FRMD4B: variants seen among roughly 807,000 people sequenced by gnomAD.
The protein encoded by FRMD4B is FERM domain containing 4B, also known as FERM domain-containing protein 4B.
A neutral mutation model predicts 141.5 loss-of-function variants in FRMD4B; 74 were observed. The ratio of observed to expected loss-of-function variants is 0.52; its 90% confidence interval spans 0.43 to 0.63. FRMD4B has a LOEUF of 0.63. Ranked by LOEUF, FRMD4B falls within the 30% of genes least tolerant of loss-of-function variation. The pLI is 0.00. For missense variants in FRMD4B, 1,366 were observed against 1,253.4 expected, an observed-to-expected ratio of 1.09 and a Z score of -1.36; for synonymous variants, 506 against 467.9, an observed-to-expected ratio of 1.08 and a Z score of -1.05.
At chr3:69,522,447 C>A (rs1700867755) in intron 1 of FRMD4B, among the ~76,000 whole-genome samples, 1 of 152,046 alleles carries the variant, frequency 6.6e-6, no homozygotes, top group South Asian at 2.1e-4. Flanking sequence ...CACTTCTATC[C>A]ACATCATATT....
chr3:69,221,709 T>C, intron 9 of FRMD4B, 149 bp downstream of exon 9: 1 of 620,900 alleles, frequency 1.6e-6, no homozygotes, highest in South Asian at 1.8e-5. Flanking sequence ...ATGTATAGAA[T>C]GACCGAAGAC....
At chr3:69,207,463 T>A (rs2093034230) in intron 11 of FRMD4B, among the ~76,000 whole-genome samples, 1 of 152,228 alleles carries the variant, frequency 6.6e-6, no homozygotes, top group Non-Finnish European at 1.5e-5. Context: ...TTTTTCTTCA[T>A]GTGCCAACAG....
chr3:69,323,055 A>G (rs1702063271), intron 1 of FRMD4B: 1 of 940,734 alleles, frequency 1.1e-6, no homozygotes. Context: ...GAAAAAGACA[A>G]TGAGGGAGGG....
At chr3:69,268,729 A>G (rs990583346) in intron 5 of FRMD4B, among the ~76,000 whole-genome samples, 1 of 151,952 alleles carries the variant, frequency 6.6e-6, no homozygotes, top group Non-Finnish European at 1.5e-5. Flanking sequence ...GCCCTGGTAA[A>G]GTAGGTATCC....
chr3:69,290,438 G>C (rs1216735100), intron 4 of FRMD4B, among the ~76,000 whole-genome samples: 1 of 152,204 alleles, frequency 6.6e-6, no homozygotes, highest in Non-Finnish European at 1.5e-5. Flanking sequence ...AGACACCAAA[G>C]TGAGGCAGAC....
intron 1 of FRMD4B, among the ~76,000 whole-genome samples, chr3:69,495,187 C>G (rs1706364869): frequency 6.6e-6 from 1 of 152,146 alleles, no homozygotes; most frequent in African/African-American, 2.4e-5. Context: ...ACACTGAATG[C>G]CAATTCCTGA....
intron 1 of FRMD4B, chr3:69,536,193 C>T (rs913242376): frequency 8.7e-6 from 5 of 574,046 alleles, no homozygotes; most frequent in Non-Finnish European, 9.8e-6. Context: ...ACCTTGCCCG[C>T]GTTAGGAGGA....
At chr3:69,483,991 C>CA (rs1559541839) in intron 1 of FRMD4B, among the ~76,000 whole-genome samples, 2 of 152,116 alleles carry the variant, frequency 1.3e-5, no homozygotes, top group South Asian at 2.1e-4. Context: ...CCCCTTTAAA[C>CA]AAAAAATCAC....
chr3:69,212,718 C>T (rs1411239863), intron 11 of FRMD4B, among the ~76,000 whole-genome samples: 1 of 152,184 alleles, frequency 6.6e-6, no homozygotes, highest in Non-Finnish European at 1.5e-5. Context: ...TTAGCAGATG[C>T]ATTTACATTC....
chr3:69,370,948 C>G (rs1703806396), intron 1 of FRMD4B, among the ~76,000 whole-genome samples: 1 of 152,202 alleles, frequency 6.6e-6, no homozygotes, highest in Non-Finnish European at 1.5e-5. Context: ...AGGTGCTGTT[C>G]CAGGCACTGA....
chr3:69,191,521 T>A (rs1174730368), intron 17 of FRMD4B, among the ~76,000 whole-genome samples: 1 of 150,868 alleles, frequency 6.6e-6, no homozygotes, highest in Non-Finnish European at 1.5e-5. Context: ...CATATTCACC[T>A]GAGTGTTTTG....
At chr3:69,246,688 A>G (rs1241063315) in intron 7 of FRMD4B, among the ~76,000 whole-genome samples, 1 of 152,186 alleles carries the variant, frequency 6.6e-6, no homozygotes, top group Non-Finnish European at 1.5e-5. Flanking sequence ...GTGGCCACTC[A>G]GAGGGATGTT....
At chr3:69,379,132 G>A (rs1704048499) in intron 1 of FRMD4B, among the ~76,000 whole-genome samples, 1 of 152,106 alleles carries the variant, frequency 6.6e-6, no homozygotes, top group Non-Finnish European at 1.5e-5. Flanking sequence ...ACTGAGACTT[G>A]GTGAGCCATT....
Position 69,197,044 on chromosome 3 carries a change from A to C in FRMD4B, c.954-6T>G. ...TTCTTCTTGAAACTGAAATCCTGAA[A>C]GATTAAAGAAAGCACTCAAATAATT... On this transcript the variant is annotated splice_region_variant and splice_polypyrimidine_tract_variant and intron_variant, in intron 12 of 22. Coordinates refer to ENST00000398540, the MANE Select transcript of FRMD4B (RefSeq NM_015123.3). 6.2e-7 allele frequency: 1 copy of C among 1,609,718 alleles called. No homozygotes were observed. The highest frequency in any genetic ancestry group is 8.5e-7 in the Non-Finnish European group (1 of 1,176,628).
chr3:69,399,121 C>T (rs1344903700), intron 2 of FRMD4B, among the ~76,000 whole-genome samples: 5 of 152,084 alleles, frequency 3.3e-5, no homozygotes, highest in African/African-American at 1.2e-4. Context: ...TTTTTTCCAC[C>T]CGAGCTGTCC....
intron 1 of FRMD4B, among the ~76,000 whole-genome samples, chr3:69,501,351 T>C (rs899840827): frequency 6.6e-6 from 1 of 151,888 alleles, no homozygotes; most frequent in African/African-American, 2.4e-5. Flanking sequence ...CCCTGGTATA[T>C]GGCATATATG....
At chr3:69,250,843 T>C (rs1321041457) in intron 5 of FRMD4B, among the ~76,000 whole-genome samples, 3 of 151,534 alleles carry the variant, frequency 2.0e-5, no homozygotes, top group Non-Finnish European at 4.4e-5. Context: ...ATCCCAGTAC[T>C]CTGGGAGGCT....
At chr3:69,244,142 A>G (rs2093407741) in intron 7 of FRMD4B, among the ~76,000 whole-genome samples, 1 of 152,162 alleles carries the variant, frequency 6.6e-6, no homozygotes, top group African/African-American at 2.4e-5. Context: ...GTGGGAAGGA[A>G]TGAGGGCTGA....
At chr3:69,515,452 A>G (rs1208019611) in intron 1 of FRMD4B, among the ~76,000 whole-genome samples, 3 of 152,086 alleles carry the variant, frequency 2.0e-5, no homozygotes, top group South Asian at 2.1e-4. Flanking sequence ...AAATTTGTCT[A>G]TTCTCCCCAA....
Sources: allele counts gnomAD v4.1 joint callset (sites outside exome capture counted in the v4.1 genomes callset), GRCh38; gene constraint gnomAD v4.1.1; transcripts MANE v1.5; gene names NCBI Gene and HGNC (gene_info 2026-07-23, HGNC 2026-07-21).